Variants in TP63 observed in about 807,000 individuals in gnomAD.
TP63 encodes tumor protein 63.
A neutral mutation model predicts 82.8 loss-of-function variants in TP63; 17 were observed. The ratio of observed to expected loss-of-function variants is 0.21; its 90% CI spans 0.14 to 0.31. The LOEUF (loss-of-function observed/expected upper bound fraction) is 0.31. Among genes scored for constraint, TP63 ranks in the 10% least tolerant of loss-of-function variants. TP63 has a pLI of 1.00. For synonymous variants in TP63, 330 were observed against 321.7 expected (o/e 1.03, Z -0.28); for missense variants, 648 against 895.3 (o/e 0.72, Z 3.52).
chr3:189,853,771 T>A (rs547529989), intron 4 of TP63, among the ~76,000 whole-genome samples: 160 of 152,352 alleles, frequency 1.1e-3, no homozygotes, highest in African/African-American at 3.6e-3. Flanking sequence ...TGTTTAATGC[T>A]GAATTTCCAA....
At chr3:189,612,307 G>A in the TP63 span, among the ~76,000 whole-genome samples, 1 of 151,986 alleles carries the variant, frequency 6.6e-6, no homozygotes, top group African/African-American at 2.4e-5. Context: ...ATGGAGACCA[G>A]TCTTTCCTGT....
At chr3:189,618,054 C>T in the TP63 span, among the ~76,000 whole-genome samples, 1 of 152,250 alleles carries the variant, frequency 6.6e-6, no homozygotes, top group South Asian at 2.1e-4. Context: ...GTGCAGCATC[C>T]AGTACAAATA....
At chr3:189,621,157 C>T in the TP63 span, among the ~76,000 whole-genome samples, 4 of 152,074 alleles carry the variant, frequency 2.6e-5, no homozygotes, top group Non-Finnish European at 5.9e-5. Context: ...TTGAAAACTA[C>T]AGAAAAGTAT....
chr3:189,642,713 C>A (rs1017332534), intron 1 of TP63, among the ~76,000 whole-genome samples: 1 of 151,968 alleles, frequency 6.6e-6, no homozygotes, highest in Non-Finnish European at 1.5e-5. Flanking sequence ...ATGAAGAAAT[C>A]GAAGCAGAGA....
intron 4 of TP63, among the ~76,000 whole-genome samples, chr3:189,837,478 T>G (rs1713326541): frequency 6.6e-6 from 1 of 152,146 alleles, no homozygotes; most frequent in African/African-American, 2.4e-5. Flanking sequence ...AATTTAAATC[T>G]TAAATTAAGA....
At position 189,867,950 on chromosome 3, in the gene TP63, G is replaced by T. The variant is rs192488893; in HGVS notation, c.992+8G>T. The stretch of plus-strand genomic sequence containing the variant: ...TACTCTGGAAACCAGAGAGTAAGTG[G>T]CGTATGTAAAATTGTCATTCTACAC... On this transcript the variant is annotated splice_region_variant and intron_variant, in intron 7 of 13. Coordinates refer to ENST00000264731, the MANE Select transcript of TP63 (RefSeq NM_003722.5). 3.7e-6 allele frequency: 6 copies of T among 1,610,316 alleles called. No homozygotes were observed. The highest frequency in any genetic ancestry group is 2.2e-5 in the East Asian group (1 of 44,836).
the TP63 span, among the ~76,000 whole-genome samples, chr3:189,601,113 G>A: frequency 1.3e-5 from 2 of 152,188 alleles, no homozygotes; most frequent in Non-Finnish European, 2.9e-5. Context: ...CATAGTTGAT[G>A]TTTTAAAGCC....
At chr3:189,799,723 T>C (rs534722650) in intron 3 of TP63, among the ~76,000 whole-genome samples, 2 of 152,206 alleles carry the variant, frequency 1.3e-5, no homozygotes, top group East Asian at 3.9e-4. Flanking sequence ...AAAGTAAAGA[T>C]CATAGAGATT....
chr3:189,848,368 C>G (rs1486218489), intron 4 of TP63, among the ~76,000 whole-genome samples: 1 of 145,338 alleles, frequency 6.9e-6, no homozygotes, highest in Non-Finnish European at 1.5e-5. Flanking sequence ...CCTACAGATG[C>G]CCCCATACCT....
chr3:189,659,552 A>AT (rs914031341), intron 1 of TP63, among the ~76,000 whole-genome samples: 4 of 151,914 alleles, frequency 2.6e-5, no homozygotes, highest in East Asian at 3.9e-4. Context: ...TTAATAAAAT[A>AT]TTTTTTTCTT....
At chr3:189,648,288 AACACACATC>A (rs1006255460) in intron 1 of TP63, among the ~76,000 whole-genome samples, 6 of 147,080 alleles carry the variant, frequency 4.1e-5, no homozygotes, top group African/African-American at 1.3e-4. Context: ...TTGTCCATAT[AACACACATC>A]ACCTTTGAAA....
chr3:189,885,220 G>T (rs930825165), intron 10 of TP63, among the ~76,000 whole-genome samples: 2 of 152,156 alleles, frequency 1.3e-5, no homozygotes, highest in East Asian at 3.8e-4. Context: ...TCATTCTGTG[G>T]TCACAGTAAT....
rs1400710761 is a variant in TP63, at chr3:189,702,450, G to T, written c.63-35290G>T. On this transcript the variant is annotated intron_variant, in intron 1 of 13. Coordinates refer to ENST00000264731, the MANE Select transcript of TP63 (RefSeq NM_003722.5). ...TCTTGACTTGTAGAAGAGGAGGTTT[G>T]ATTGGTAAATCACCTCTTCCCTACA... Among the ~76,000 whole-genome samples the T allele has an allele frequency of 4.6e-5, 7 of 152,162 alleles. No individual in the cohort carries two copies. The East Asian group carries it at 1.3e-3, about 29-fold the overall frequency.
chr3:189,751,772 C>T (rs1224101163), intron 3 of TP63, among the ~76,000 whole-genome samples: 3 of 151,996 alleles, frequency 2.0e-5, no homozygotes, highest in Admixed American at 6.6e-5. Context: ...CTGTAGGTTG[C>T]CTGTTCTCTC....
the TP63 span, among the ~76,000 whole-genome samples, chr3:189,623,196 T>C: frequency 1.3e-5 from 2 of 152,216 alleles, no homozygotes; most frequent in Admixed American, 6.5e-5. Flanking sequence ...CTTCCAGAAA[T>C]TGTGGCTTTT....
chr3:189,752,572 T>C (rs1721900524), intron 3 of TP63, among the ~76,000 whole-genome samples: 1 of 152,224 alleles, frequency 6.6e-6, no homozygotes. Context: ...TTTCTCTCAG[T>C]CTTACCAGAG....
rs1019970671 is a variant in TP63, at chr3:189,646,092, G to T, written c.62+14515G>T. On this transcript the variant is annotated intron_variant, in intron 1 of 13. Coordinates refer to ENST00000264731, the MANE Select transcript of TP63 (RefSeq NM_003722.5). Reference sequence around the variant, plus strand: ...TGGATCTAATCCAGTGGTTCCCAAGGTGTGATCCCAAGAGTACAACTGTAG... The same window carrying T: ...TGGATCTAATCCAGTGGTTCCCAAGTTGTGATCCCAAGAGTACAACTGTAG... Among the ~76,000 whole-genome samples the T allele has an allele frequency of 2.7e-5, 4 of 147,304 alleles. 1 individual carries two copies. Among genetic ancestry groups the T allele is most frequent in the Non-Finnish European group, 5.9e-5 (4 of 67,372 alleles).
At chr3:189,882,515 G>A (rs186578730) in intron 10 of TP63, among the ~76,000 whole-genome samples, 16 of 145,732 alleles carry the variant, frequency 1.1e-4, no homozygotes, top group East Asian at 2.0e-4. Flanking sequence ...GCTCTGCTCC[G>A]CCCTCAGTAT....
chr3:189,614,932 C>T, the TP63 span, among the ~76,000 whole-genome samples: 2 of 152,190 alleles, frequency 1.3e-5, no homozygotes, highest in Non-Finnish European at 2.9e-5. Flanking sequence ...CAAGGACAGA[C>T]AATGGAATGC....
Sources: allele counts gnomAD v4.1 joint callset (sites outside exome capture counted in the v4.1 genomes callset), GRCh38; gene constraint gnomAD v4.1.1; transcripts MANE v1.5; gene names NCBI Gene and HGNC (gene_info 2026-07-23, HGNC 2026-07-21).